Variants in ASIC2 observed in about 807,000 individuals in gnomAD.
ASIC2 encodes acid-sensing ion channel 2.
A neutral mutation model predicts 57.3 loss-of-function variants in ASIC2; 25 were observed. That is an observed-to-expected ratio of 0.44 (90% CI 0.32 to 0.61). The LOEUF (loss-of-function observed/expected upper bound fraction) is 0.61, where lower values mean the gene tolerates loss of function less well. ASIC2 is among the 20% of genes least tolerant of loss of function. The pLI, the probability that ASIC2 is intolerant of heterozygous loss-of-function variation, is 0.06. For synonymous variants in ASIC2, 319 were observed against 307.5 expected, an observed-to-expected ratio of 1.04 and a Z score of -0.39; for missense variants, 641 against 738.1, an observed-to-expected ratio of 0.87 and a Z score of 1.52.
chr17:34,152,530 T>C (rs940105221), intron 1 of ASIC2, among the ~76,000 whole-genome samples: 4 of 152,142 alleles, frequency 2.6e-5, no homozygotes, highest in African/African-American at 4.8e-5. Flanking sequence ...CTCCCTGGTT[T>C]CATCTTTCAT....
At chr17:33,892,751 T>A (rs564323141) in intron 1 of ASIC2, among the ~76,000 whole-genome samples, 30 of 152,214 alleles carry the variant, frequency 2.0e-4, no homozygotes, top group Non-Finnish European at 3.4e-4. Flanking sequence ...AAAGTTACAA[T>A]GCAGGCAGTG....
intron 1 of ASIC2, among the ~76,000 whole-genome samples, chr17:33,701,382 T>A (rs777258518): frequency 6.6e-6 from 1 of 152,218 alleles, no homozygotes; most frequent in Non-Finnish European, 1.5e-5. Flanking sequence ...CATACCGGAC[T>A]ACAATCAGTA....
intron 1 of ASIC2, among the ~76,000 whole-genome samples, chr17:33,185,669 C>A (rs1906163915): frequency 6.6e-6 from 1 of 152,182 alleles, no homozygotes; most frequent in Non-Finnish European, 1.5e-5. Context: ...AAGAGGAAAG[C>A]ACCAGAGATC....
chr17:33,023,148 G>A (rs1453463034), intron 6 of ASIC2, among the ~76,000 whole-genome samples: 1 of 152,088 alleles, frequency 6.6e-6, no homozygotes, highest in East Asian at 1.9e-4. Flanking sequence ...TCTAGGCAGA[G>A]GGAATAGAAC....
intron 1 of ASIC2, among the ~76,000 whole-genome samples, chr17:33,251,062 G>T (rs773708017): frequency 3.7e-4 from 57 of 152,188 alleles, no homozygotes; most frequent in Admixed American, 7.9e-4. Context: ...TATATTCAAA[G>T]AAGGAATTGA....
At chr17:33,986,927 G>T (rs746264084) in intron 1 of ASIC2, among the ~76,000 whole-genome samples, 66 of 152,308 alleles carry the variant, frequency 4.3e-4, no homozygotes, top group Middle Eastern at 3.4e-3. Context: ...CGGAATCAGA[G>T]ACTTGGGAGC....
At position 33,841,782 on chromosome 17, in the gene ASIC2, A is replaced by G. The variant is rs1913445421; in HGVS notation, c.555+314196T>C. Among the ~76,000 whole-genome samples, 3 of 152,190 alleles carry G rather than the reference A, an allele frequency of 2.0e-5. 1 individual carries two copies. The South Asian group carries it at 6.2e-4, about 32-fold the overall frequency. On this transcript the variant is annotated intron_variant, in intron 1 of 9. Coordinates refer to the ASIC2 transcript ENST00000359872. ...TTGGGAAGATCTTGCTCTTGTGTCA[A>G]ATCCCTATCAACCTCAATAGGGAAG... is the stretch of plus-strand genomic sequence containing the variant.
chr17:33,234,039 T>C (rs1454779946), intron 1 of ASIC2, among the ~76,000 whole-genome samples: 1 of 152,160 alleles, frequency 6.6e-6, no homozygotes, highest in Admixed American at 6.5e-5. Flanking sequence ...CACAAGGAAG[T>C]AGGCACGTGG....
At chr17:33,545,289 T>C (rs977659634) in intron 1 of ASIC2, among the ~76,000 whole-genome samples, 1 of 152,178 alleles carries the variant, frequency 6.6e-6, no homozygotes, top group Non-Finnish European at 1.5e-5. Flanking sequence ...TTTGACAACA[T>C]TCATGGCTGT....
chr17:33,056,522 T>C (rs896634290), intron 3 of ASIC2, among the ~76,000 whole-genome samples: 3 of 152,272 alleles, frequency 2.0e-5, no homozygotes, highest in African/African-American at 7.2e-5. Flanking sequence ...TGGGACTCTC[T>C]GTGAACCTTT....
At chr17:33,859,444 C>A (rs544821225) in intron 1 of ASIC2, among the ~76,000 whole-genome samples, 1 of 152,120 alleles carries the variant, frequency 6.6e-6, no homozygotes, top group Admixed American at 6.5e-5. Flanking sequence ...GCAATATTAC[C>A]GTCCATCTGT....
intron 1 of ASIC2, among the ~76,000 whole-genome samples, chr17:33,117,579 G>C (rs2092286058): frequency 6.6e-6 from 1 of 152,302 alleles, no homozygotes; most frequent in South Asian, 2.1e-4. Context: ...CAGTGCCAAG[G>C]GGTAGCAGAG....
At chr17:33,687,188 A>C (rs1401212924) in intron 1 of ASIC2, among the ~76,000 whole-genome samples, 2 of 152,200 alleles carry the variant, frequency 1.3e-5, no homozygotes, top group East Asian at 1.9e-4. Flanking sequence ...TACGAGGCAC[A>C]TCATAGGTGC....
chr17:33,393,911 A>T (rs566819823), intron 1 of ASIC2, among the ~76,000 whole-genome samples: 1 of 152,082 alleles, frequency 6.6e-6, no homozygotes, highest in Admixed American at 6.5e-5. Context: ...CTCAATTTAA[A>T]CTCCAACACT....
chr17:33,819,701 C>T (rs1375782977), intron 1 of ASIC2, among the ~76,000 whole-genome samples: 1 of 152,164 alleles, frequency 6.6e-6, no homozygotes, highest in East Asian at 1.9e-4. Flanking sequence ...CATCAGTGCT[C>T]GTGCCAAGCA....
Position 33,028,339 on chromosome 17 carries a change from G to A in ASIC2, c.1041C>T (p.Leu347=), listed in dbSNP as rs200229106. 14 of 1,614,088 alleles carry A rather than the reference G, an allele frequency of 8.7e-6. No homozygotes were observed. The highest frequency in any genetic ancestry group is 1.1e-5 in the South Asian group (1 of 91,072). Reference sequence around the variant, plus strand: ...TGATGCTGTAAACAGGAAAAAAGTCGAGGCCCATCTCTGAGGATCGGCACT... The same window carrying A: ...TGATGCTGTAAACAGGAAAAAAGTCAAGGCCCATCTCTGAGGATCGGCACT... ...WGECRSSEMG[L]DFFPVYSITA... The change falls in exon 4 of 10, where the codon CTC becomes CTT. Residue 347 remains leucine (L), a synonymous_variant. Transcript: ENST00000225823.
chr17:33,021,162 T>TGGC, intron 7 of ASIC2, 57 bp downstream of exon 7: 3 of 694,008 alleles, frequency 4.3e-6, no homozygotes. Context: ...CTGTGCATCC[T>TGGC]CCCTCCCTCC....
At chr17:33,925,152 C>T (rs376466410) in intron 1 of ASIC2, among the ~76,000 whole-genome samples, 5 of 152,262 alleles carry the variant, frequency 3.3e-5, no homozygotes, top group South Asian at 2.1e-4. Flanking sequence ...GGCAGCAGAT[C>T]TGGATTCAAG....
intron 1 of ASIC2, among the ~76,000 whole-genome samples, chr17:33,505,631 C>T (rs1272863018): frequency 6.6e-6 from 1 of 152,232 alleles, no homozygotes; most frequent in African/African-American, 2.4e-5. Flanking sequence ...TGTGATCTGG[C>T]TTCTGCCATA....
Sources: gnomAD v4.1 joint callset for allele counts (sites outside exome capture counted in the v4.1 genomes callset) on GRCh38, gnomAD v4.1.1 for gene constraint, MANE v1.5 for transcripts, NCBI Gene and HGNC (gene_info 2026-07-23, HGNC 2026-07-21) for gene names.